Variants in ITGA1 observed in about 807,000 individuals in gnomAD.
ITGA1 encodes integrin alpha-1.
Under a neutral mutation model 145.9 loss-of-function variants are expected in ITGA1, and 85 were observed. The observed-to-expected ratio is 0.58, with a 90% CI of 0.49 to 0.70. The LOEUF (loss-of-function observed/expected upper bound fraction) is 0.70, where lower values mean the gene tolerates loss of function less well. Ranked by LOEUF, ITGA1 falls within the 30% of genes least tolerant of loss-of-function variation. The probability of loss-of-function intolerance (pLI) is 0.00; values close to 1 mark genes in which losing one functional copy is unlikely to be tolerated. For synonymous variants in ITGA1, 520 were observed against 495.3 expected (o/e 1.05, Z -0.66); for missense variants, 1,351 against 1,418.7 (o/e 0.95, Z 0.77).
intron 1 of ITGA1, among the ~76,000 whole-genome samples, chr5:52,834,560 G>GAGAGAAGAA: frequency 7.7e-6 from 1 of 130,690 alleles, no homozygotes; most frequent in Non-Finnish European, 1.7e-5. Flanking sequence ...GAAAGAGAGA[G>GAGAGAAGAA]AGAAAGAGAG....
At chr5:52,803,861 A>G (rs1419442084) in intron 1 of ITGA1, 1 of 152,194 alleles carries the variant, frequency 6.6e-6, no homozygotes, top group East Asian at 1.9e-4. Context: ...AACAAAGGCA[A>G]TAGGTTATTC....
rs149101548 is a variant in ITGA1 at position 52,842,616 on chromosome 5, C to T, written c.62-6749C>T. On this transcript the variant is annotated intron_variant, in intron 1 of 28. Transcript: ENST00000282588. ...TTAATACCTGAAAGTTATTTGTAAGCTCATTTCAAATGTGATAAACTGAGG... is the reference window on the plus strand; with the variant it reads ...TTAATACCTGAAAGTTATTTGTAAGTTCATTTCAAATGTGATAAACTGAGG... Among the ~76,000 whole-genome samples the T allele has an allele frequency of 4.7e-3, 716 of 150,784 alleles. 7 individuals are homozygous for T. The highest frequency in any genetic ancestry group is 0.017 in the African/African-American group (694 of 41,104).
At chr5:52,911,004 T>C (rs1416642441) in intron 14 of ITGA1, among the ~76,000 whole-genome samples, 1 of 33,994 alleles carries the variant, frequency 2.9e-5, no homozygotes, top group South Asian at 9.0e-4. Flanking sequence ...ATAGTATGTA[T>C]ACTGTATATA....
intron 14 of ITGA1, 119 bp downstream of exon 14, chr5:52,910,538 G>T: frequency 9.3e-7 from 1 of 1,071,134 alleles, no homozygotes; most frequent in Non-Finnish European, 1.3e-6. Flanking sequence ...TTGGGAAACT[G>T]GATTTAATTC....
chr5:52,859,571 C>G (rs1357587623), intron 2 of ITGA1, among the ~76,000 whole-genome samples: 2 of 152,118 alleles, frequency 1.3e-5, no homozygotes, highest in Non-Finnish European at 2.9e-5. Flanking sequence ...TACTAGCATG[C>G]CTATAGGGCC....
intron 3 of ITGA1, 128 bp downstream of exon 3, chr5:52,861,687 C>A: frequency 4.8e-6 from 3 of 626,462 alleles, no homozygotes; most frequent in Non-Finnish European, 8.6e-6. Flanking sequence ...CCTGGGCAAC[C>A]TGACGAAACC....
Position 52,939,691 on chromosome 5 carries a change from G to A in ITGA1, c.3180G>A (p.Leu1060=). ...ACCATCTCAAACGAGGCACAATTCT[G>A]GTAAATTAAGACAAGTGCTATTTTT... is the stretch of plus-strand genomic sequence containing the variant. ...STDHLKRGTI[L]DCNTCKFATI... is the part of the protein sequence containing the mutation. Residue 1060 remains leucine (L), a splice_region_variant and synonymous_variant, in exon 25 of 29, where the codon CTG becomes CTA. Coordinates refer to ENST00000282588, the MANE Select transcript of ITGA1 (RefSeq NM_181501.2). 6.2e-7 allele frequency: 1 copy of A among 1,601,476 alleles called. No individual in the cohort carries two copies. The highest frequency in any genetic ancestry group is 8.6e-7 in the Non-Finnish European group (1 of 1,169,166).
At chr5:52,912,995 C>T (rs1750591370) in intron 14 of ITGA1, among the ~76,000 whole-genome samples, 1 of 152,082 alleles carries the variant, frequency 6.6e-6, no homozygotes, top group African/African-American at 2.4e-5. Flanking sequence ...ATCCGCCCAC[C>T]TCGGCCTCCC....
intron 16 of ITGA1, among the ~76,000 whole-genome samples, chr5:52,919,250 G>A (rs542902252): frequency 2.0e-5 from 3 of 152,254 alleles, no homozygotes; most frequent in South Asian, 4.1e-4. Context: ...TTTCCTTCCT[G>A]TAGGTTTCTA....
At chr5:52,870,186 ATTTG>A (rs976243974) in intron 6 of ITGA1, among the ~76,000 whole-genome samples, 20 of 152,180 alleles carry the variant, frequency 1.3e-4, no homozygotes, top group Middle Eastern at 3.4e-3. Context: ...AATCCATTTG[ATTTG>A]TTTGTTTGTT....
chr5:52,915,248 T>G (rs1045756334), intron 14 of ITGA1, among the ~76,000 whole-genome samples: 2 of 152,248 alleles, frequency 1.3e-5, no homozygotes, highest in African/African-American at 4.8e-5. Context: ...CTGGTGTCAG[T>G]GACCTTGTAA....
At position 52,955,902 on chromosome 5, in the gene ITGA1, G is replaced by T. The variant is rs999179730; in HGVS notation, c.*3451G>T. 2.6e-5 allele frequency: 4 copies of T among 151,214 alleles called. No individual in the cohort carries two copies. The highest frequency in any genetic ancestry group is 4.9e-5 in the African/African-American group (2 of 41,044). 9.4% of individuals were successfully genotyped at this position (151,214 alleles called of 1,614,324 possible). A position where few individuals can be genotyped will look rare whatever the true frequency, so the allele number is the denominator to read the frequency against. ...TATTTTTACAAAATTTGATGCTTCT[G>T]CAACCATAATAATTTTATCTATAAA... is the stretch of plus-strand genomic sequence containing the variant. On this transcript the variant is annotated 3_prime_UTR_variant, in exon 29 of 29. Transcript: ENST00000282588.
intron 18 of ITGA1, among the ~76,000 whole-genome samples, chr5:52,924,390 G>A (rs996475987): frequency 2.0e-5 from 3 of 152,122 alleles, no homozygotes; most frequent in Non-Finnish European, 4.4e-5. Context: ...GGAGTTTGGG[G>A]AGCAGAGGGG....
intron 14 of ITGA1, among the ~76,000 whole-genome samples, chr5:52,913,836 C>G (rs1189421255): frequency 6.6e-6 from 1 of 151,988 alleles, no homozygotes; most frequent in African/African-American, 2.4e-5. Context: ...CAATAGTGAA[C>G]AGAATAAAGG....
intron 1 of ITGA1, among the ~76,000 whole-genome samples, chr5:52,805,331 G>A (rs988154456): frequency 3.9e-5 from 6 of 152,214 alleles, no homozygotes; most frequent in South Asian, 2.1e-4. Flanking sequence ...ATCAAGGATC[G>A]ATTGGAGGAG....
intron 14 of ITGA1, among the ~76,000 whole-genome samples, chr5:52,913,218 G>C (rs1461444514): frequency 6.6e-6 from 1 of 151,874 alleles, no homozygotes; most frequent in African/African-American, 2.4e-5. Flanking sequence ...CTAAATAGAG[G>C]GCACTGCTTT....
intron 1 of ITGA1, among the ~76,000 whole-genome samples, chr5:52,806,504 T>C (rs1208702625): frequency 6.6e-6 from 1 of 152,030 alleles, no homozygotes; most frequent in Non-Finnish European, 1.5e-5. Flanking sequence ...TTCAAAAACA[T>C]TGGGAGAAGG....
intron 26 of ITGA1, among the ~76,000 whole-genome samples, chr5:52,942,261 C>CT (rs983666617): frequency 1.3e-5 from 2 of 152,070 alleles, no homozygotes; most frequent in South Asian, 2.1e-4. Flanking sequence ...TACCTGAGCT[C>CT]TTTTTTTAGA....
chr5:52,826,234 T>C (rs574130137), intron 1 of ITGA1, among the ~76,000 whole-genome samples: 5 of 152,246 alleles, frequency 3.3e-5, no homozygotes, highest in Admixed American at 3.3e-4. Context: ...AAGGTCAAAC[T>C]AGCCACAACA....
Sources: gnomAD v4.1 joint callset for allele counts (sites outside exome capture counted in the v4.1 genomes callset) on GRCh38, gnomAD v4.1.1 for gene constraint, MANE v1.5 for transcripts, NCBI Gene and HGNC (gene_info 2026-07-23, HGNC 2026-07-21) for gene names.